Variants in PFKFB2 observed in about 807,000 individuals in gnomAD.
PFKFB2 encodes the protein 6-phosphofructo-2-kinase/fructose-2,6-bisphosphatase 2.
A neutral mutation model predicts 68.0 loss-of-function variants in PFKFB2; 53 were observed. The observed-to-expected ratio is 0.78, with a 90% CI of 0.63 to 0.98. The LOEUF is 0.98. Among genes scored for constraint, PFKFB2 ranks in the 50% least tolerant of loss-of-function variants. The pLI is 0.00. For synonymous variants in PFKFB2, 222 were observed against 227.6 expected (o/e 0.98, Z 0.22); for missense variants, 451 against 642.0 (o/e 0.70, Z 3.22).
In PFKFB2 at chr1:207,063,186, AC is replaced by A; in HGVS notation, c.353del (p.Thr118MetfsTer22). On this transcript the variant is annotated frameshift_variant, in exon 5 of 15. Coordinates refer to ENST00000367080, the MANE Select transcript of PFKFB2 (RefSeq NM_006212.2). LOFTEE classifies it high-confidence loss of function. This position sits in a 1 kb window ranked among gnomAD's most constrained non-coding sequence, Gnocchi z 4.1. ...GCTGGAAGATGTTAAGGCGTATCTC[AC>A]TGAGGAGAATGGTCAGATTGCGGTA... ...VALEDVKAYLTEENGQIAVFD... is the reference protein window; with the variant it reads ...VALEDVKAYLXEENGQIAVFD... The A allele has an allele frequency of 6.2e-7, 1 of 1,613,764 alleles. No homozygotes were observed. The highest frequency in any genetic ancestry group is 1.1e-5 in the South Asian group (1 of 91,064).
chr1:207,070,349 G>C lies in PFKFB2; in HGVS notation c.1162G>C (p.Val388Leu). ...GCTGGAACGTCAGGGCAATGTCCTC[G>C]TCATCTCCCACCAGGCTGTCATGCG... ...MELERQGNVL[V>L]ISHQAVMRCL... Residue 388 changes from valine to leucine, a missense_variant, in exon 12 of 15, where the codon GTC becomes CTC. Physicochemically the swap from Val to Leu is conservative, Grantham distance 32. Transcript: ENST00000367080. The surrounding 1 kb of genome is among the most constrained non-coding windows in gnomAD (Gnocchi z 4.2). The C allele has an allele frequency of 6.2e-7, 1 of 1,613,934 alleles. No individual in the cohort carries two copies. The highest frequency in any genetic ancestry group is 1.3e-5 in the African/African-American group (1 of 75,022).
In PFKFB2 at chr1:207,063,054, G is replaced by A. The variant is rs1387981668; in HGVS notation, c.309-89G>A. 4.7e-6 allele frequency: 5 copies of A among 1,055,738 alleles called. No homozygotes were observed. The highest frequency in any genetic ancestry group is 7.4e-6 in the Non-Finnish European group (5 of 673,924). The allele number at this position is 1,055,738 out of a possible 1,614,324, so 65.4% of individuals were successfully genotyped here. The stretch of plus-strand genomic sequence containing the variant: ...GAACAGTGGGAAACTAAGTGGGCAG[G>A]GATGTGACTTCTGTAGCCACCCGAA... On this transcript the variant is annotated intron_variant, in intron 4 of 14. Coordinates refer to ENST00000367080, the MANE Select transcript of PFKFB2 (RefSeq NM_006212.2). This position sits in a 1 kb window ranked among gnomAD's most constrained non-coding sequence, Gnocchi z 4.1.
chr1:207,069,597 A>G (rs751636515), intron 11 of PFKFB2, 69 bp downstream of exon 11: 5 of 1,033,566 alleles, frequency 4.8e-6, no homozygotes, highest in Admixed American at 3.6e-5. Flanking sequence ...AATTTGGGGG[A>G]AGGATTGAAT....
upstream of PFKFB2, among the ~76,000 whole-genome samples, chr1:207,052,557 G>A (rs1169060970): frequency 6.6e-6 from 1 of 152,178 alleles, no homozygotes; most frequent in African/African-American, 2.4e-5. Flanking sequence ...GATACTGGGA[G>A]GCAGGAGAAT....
intron 2 of PFKFB2, among the ~76,000 whole-genome samples, chr1:207,061,165 T>TTATATATATATATATA (rs201702529): frequency 3.6e-3 from 161 of 45,048 alleles, no homozygotes; most frequent in Middle Eastern, 0.015. Flanking sequence ...ATATATATCT[T>TTATATATATATATATA]TATATATATA....
In PFKFB2 at chr1:207,063,321, A is replaced by G; in HGVS notation, c.376-26A>G. On this transcript the variant is annotated intron_variant, in intron 5 of 14. Coordinates refer to ENST00000367080, the MANE Select transcript of PFKFB2 (RefSeq NM_006212.2). This position sits in a 1 kb window ranked among gnomAD's most constrained non-coding sequence, Gnocchi z 4.1. The stretch of plus-strand genomic sequence containing the variant: ...GGGTTCTGTTTCTCTGTTCCTGCTC[A>G]TTTACCTTGTGTACTTTCTTCACAG... 8 of 1,602,828 alleles carry G rather than the reference A, an allele frequency of 5.0e-6. No individual in the cohort carries two copies. The highest frequency in any genetic ancestry group is 6.8e-6 in the Non-Finnish European group (8 of 1,169,820).
chr1:207,039,220 A>G (rs1031337485), intron 1 of PFKFB2, among the ~76,000 whole-genome samples: 2 of 152,228 alleles, frequency 1.3e-5, no homozygotes, highest in Non-Finnish European at 2.9e-5. Context: ...AATGTACTCC[A>G]TAATATTAAC....
intron 1 of PFKFB2, among the ~76,000 whole-genome samples, chr1:207,054,492 A>T (rs941298519): frequency 1.3e-5 from 2 of 152,234 alleles, no homozygotes; most frequent in Admixed American, 6.5e-5. Context: ...AAGTCAGAAG[A>T]TAAATGTAAG....
intron 2 of PFKFB2, chr1:207,048,167 T>C (rs985578426): frequency 2.7e-4 from 41 of 152,650 alleles, no homozygotes; most frequent in African/African-American, 8.4e-4. Flanking sequence ...TGTTATCCAA[T>C]GTGACAAAGA....
chr1:207,036,291 A>C (rs1481783941), intron 1 of PFKFB2, among the ~76,000 whole-genome samples: 1 of 152,170 alleles, frequency 6.6e-6, no homozygotes, highest in Non-Finnish European at 1.5e-5. Flanking sequence ...GTTCCCAGAA[A>C]TGTCACATTT....
chr1:207,055,194 G>A (rs1208701600), intron 2 of PFKFB2, among the ~76,000 whole-genome samples: 1 of 152,182 alleles, frequency 6.6e-6, no homozygotes, highest in Non-Finnish European at 1.5e-5. Context: ...TAAGTTTTGG[G>A]AGAGTGCTGC....
At chr1:207,057,302 C>CAAAAAAAAAAAAAAAAAAA (rs748726221) in intron 2 of PFKFB2, among the ~76,000 whole-genome samples, 6 of 40,388 alleles carry the variant, frequency 1.5e-4, no homozygotes, top group African/African-American at 1.8e-4. Flanking sequence ...AAAAAAACTA[C>CAAAAAAAAAAAAAAAAAAA]AAAAAAAAAA....
intron 9 of PFKFB2, 94 bp from the exon 10 acceptor site, chr1:207,068,069 A>G: frequency 2.6e-6 from 3 of 1,143,178 alleles, no homozygotes; most frequent in Non-Finnish European, 3.7e-6. Flanking sequence ...AGACCAAGTT[A>G]GCAGGCTTTG....
chr1:207,076,253 T>C lies in PFKFB2; in HGVS notation c.*3882T>C, dbSNP rs77525039. On this transcript the variant is annotated 3_prime_UTR_variant, in exon 15 of 15. Transcript: ENST00000367080. ...ATTCATCTATGTTACTTTTTTTTTC[T>C]TTTTTTTTTTTTTTTATGAGCAGGA... 2.2e-5 allele frequency: 4 copies of C among 185,200 alleles called. No homozygotes were observed. Among genetic ancestry groups the C allele is most frequent in the Non-Finnish European group, 3.7e-5 (4 of 107,660 alleles). 11.5% of individuals were successfully genotyped at this position (185,200 alleles called of 1,614,324 possible).
intron 14 of PFKFB2, 140 bp downstream of exon 14, chr1:207,071,713 G>A (rs989370541): frequency 2.4e-5 from 15 of 629,564 alleles, no homozygotes; most frequent in Non-Finnish European, 2.0e-5. Context: ...AGTTTGCTAC[G>A]TCTGAAACTG....
intron 13 of PFKFB2, 111 bp from the exon 14 acceptor site, chr1:207,071,398 A>T: frequency 9.6e-7 from 1 of 1,037,388 alleles, no homozygotes; most frequent in Non-Finnish European, 1.5e-6. Context: ...TGTATGCATG[A>T]CTGTGTGTAT....
rs918300677 is a variant in PFKFB2 at position 207,076,280 on chromosome 1, A to G, written c.*3909A>G. ...TTTTTTTTTTTTTTATGAGCAGGAG[A>G]TCTTAATTGACAGAAACTCATTGGT... On this transcript the variant is annotated 3_prime_UTR_variant, in exon 15 of 15. Transcript: ENST00000367080. 1 of 961,482 alleles carries G rather than the reference A, an allele frequency of 1.0e-6. No individual in the cohort carries two copies. Among genetic ancestry groups the G allele is most frequent in the Non-Finnish European group, 1.2e-6 (1 of 816,218 alleles). The allele number at this position is 961,482 out of a possible 1,614,324, so 59.6% of individuals were successfully genotyped here.
In PFKFB2 at chr1:207,061,978, C is replaced by T. The variant is rs1441341835; in HGVS notation, c.111C>T (p.Ser37=). 6.2e-7 allele frequency: 1 copy of T among 1,614,162 alleles called. No individual in the cohort carries two copies. The highest frequency in any genetic ancestry group is 1.7e-5 in the Admixed American group (1 of 60,028). Residue 37 remains serine (S), a synonymous_variant, in exon 3 of 15, where the codon TCC becomes TCT. Transcript: ENST00000367080. ...CATGGGCCTCCTACATGACCAACTC[C>T]CCGACTCTGATCGTTATGATTGGTT... ...KCSWASYMTN[S]PTLIVMIGLP...
rs757817373 is a variant in PFKFB2 at position 207,061,967 on chromosome 1, A to G, written c.100A>G (p.Met34Val). Residue 34 changes from methionine to valine, a missense_variant, in exon 3 of 15, where the codon ATG becomes GTG. Physicochemically the swap from Met to Val is conservative, Grantham distance 21. Transcript: ENST00000367080. ...TTTCCTTCTAGCATGGGCCTCCTACATGACCAACTCCCCGACTCTGATCGT... is the reference window on the plus strand; with the variant it reads ...TTTCCTTCTAGCATGGGCCTCCTACGTGACCAACTCCCCGACTCTGATCGT... ...SEKKCSWASYMTNSPTLIVMI... is the reference protein window; with the variant it reads ...SEKKCSWASYVTNSPTLIVMI... 1.2e-6 allele frequency: 2 copies of G among 1,614,156 alleles called. No individual in the cohort carries two copies. Among genetic ancestry groups the G allele is most frequent in the Non-Finnish European group, 1.7e-6 (2 of 1,179,994 alleles).
Sources: gnomAD v4.1 joint callset for allele counts (sites outside exome capture counted in the v4.1 genomes callset) on GRCh38, gnomAD v4.1.1 for gene constraint, Gnocchi (gnomAD v3.1) non-coding constraint, MANE v1.5 for transcripts, NCBI Gene and HGNC (gene_info 2026-07-23, HGNC 2026-07-21) for gene names.